PTPRD: variants seen among roughly 807,000 people sequenced by gnomAD.
PTPRD encodes the protein protein tyrosine phosphatase receptor type D, also known as receptor-type tyrosine-protein phosphatase delta.
In PTPRD, 34 loss-of-function variants were observed where a neutral mutation model predicts 214.5. That is an observed-to-expected ratio of 0.16 (90% CI 0.12 to 0.21). The LOEUF is 0.21. Among genes scored for constraint, PTPRD ranks in the 10% least tolerant of loss-of-function variants. The pLI, the probability that PTPRD is intolerant of heterozygous loss-of-function variation, is 1.00. For synonymous variants in PTPRD, 1,128 were observed against 845.7 expected (o/e 1.33, Z -5.79); for missense variants, 2,545 against 2,398.7 (o/e 1.06, Z -1.27).
chr9:8,590,052 C>A (rs538288385), intron 14 of PTPRD, among the ~76,000 whole-genome samples: 7 of 151,914 alleles, frequency 4.6e-5, no homozygotes, highest in Admixed American at 1.3e-4. Flanking sequence ...CACGAGGTTC[C>A]AAGGATTATG....
intron 2 of PTPRD, among the ~76,000 whole-genome samples, chr9:10,379,940 T>C (rs567508983): frequency 5.9e-5 from 9 of 152,098 alleles, no homozygotes; most frequent in Admixed American, 3.3e-4. Flanking sequence ...AGACTATTCA[T>C]TGTTGTTTAT....
At chr9:10,114,425 T>C (rs1162918587) in intron 3 of PTPRD, among the ~76,000 whole-genome samples, 4 of 152,148 alleles carry the variant, frequency 2.6e-5, no homozygotes, top group African/African-American at 9.6e-5. Context: ...CTCTGTCCGC[T>C]TACTAGCTAG....
intron 12 of PTPRD, among the ~76,000 whole-genome samples, chr9:8,637,618 C>T (rs1291135503): frequency 6.6e-6 from 1 of 152,182 alleles, no homozygotes; most frequent in East Asian, 1.9e-4. Context: ...AAAAAACTTA[C>T]TTATTTTTCA....
intron 8 of PTPRD, among the ~76,000 whole-genome samples, chr9:9,410,634 T>C (rs996889223): frequency 1.1e-4 from 17 of 152,190 alleles, no homozygotes; most frequent in Non-Finnish European, 5.9e-5. Context: ...AAAGAGGCTT[T>C]GAAACAGGAA....
At chr9:9,886,850 G>T (rs1422846309) in intron 5 of PTPRD, among the ~76,000 whole-genome samples, 1 of 152,044 alleles carries the variant, frequency 6.6e-6, no homozygotes, top group East Asian at 1.9e-4. Flanking sequence ...CACGTGGAGA[G>T]ACCACATGGG....
chr9:10,363,757 C>A (rs1357389400), intron 2 of PTPRD, among the ~76,000 whole-genome samples: 2 of 151,828 alleles, frequency 1.3e-5, no homozygotes, highest in Non-Finnish European at 2.9e-5. Context: ...TAAAATGTGA[C>A]CCCTTATGGG....
At chr9:8,475,910 T>A (rs964953376) in intron 30 of PTPRD, among the ~76,000 whole-genome samples, 1 of 152,182 alleles carries the variant, frequency 6.6e-6, no homozygotes, top group Non-Finnish European at 1.5e-5. Flanking sequence ...TCTAGTGCAG[T>A]CTCTGAAATT....
chr9:10,551,718 A>G (rs959129847), intron 2 of PTPRD, among the ~76,000 whole-genome samples: 29 of 152,182 alleles, frequency 1.9e-4, no homozygotes, highest in African/African-American at 6.5e-4. Context: ...GCATTTTGCT[A>G]CAGTACCTTG....
chr9:9,538,218 C>T (rs2076898775), intron 8 of PTPRD, among the ~76,000 whole-genome samples: 1 of 151,736 alleles, frequency 6.6e-6, no homozygotes. Context: ...AAAGAATAGA[C>T]TTTCTTACTT....
rs192927831 is a variant in PTPRD at position 9,369,951 on chromosome 9, T to C, written c.-203+27498A>G. Among the ~76,000 whole-genome samples, 106 of 152,278 alleles carry C rather than the reference T, an allele frequency of 7.0e-4. 1 individual carries two copies. Among genetic ancestry groups the C allele is most frequent in the African/African-American group, 2.3e-3 (96 of 41,554 alleles). On this transcript the variant is annotated intron_variant, in intron 9 of 45. Coordinates refer to ENST00000381196, the MANE Select transcript of PTPRD (RefSeq NM_002839.4). Reference sequence around the variant, plus strand: ...CGCGGCATTATTTCTGAGGGCTCTGTTCTGTTCCATTGATCTATATCTCTG... The same window carrying C: ...CGCGGCATTATTTCTGAGGGCTCTGCTCTGTTCCATTGATCTATATCTCTG...
chr9:10,104,086 A>C (rs2098599473), intron 3 of PTPRD, among the ~76,000 whole-genome samples: 1 of 151,790 alleles, frequency 6.6e-6, no homozygotes, highest in African/African-American at 2.4e-5. Context: ...ATACTGTTCG[A>C]TTCCACTTAT....
intron 5 of PTPRD, among the ~76,000 whole-genome samples, chr9:9,793,497 C>T (rs1023945356): frequency 4.6e-5 from 7 of 152,072 alleles, no homozygotes; most frequent in Middle Eastern, 6.8e-3. Flanking sequence ...GATGGATGGA[C>T]GGACAGATAG....
chr9:10,435,932 G>T (rs775354380), intron 2 of PTPRD, among the ~76,000 whole-genome samples: 2 of 151,742 alleles, frequency 1.3e-5, no homozygotes, highest in Non-Finnish European at 2.9e-5. Context: ...ACCTTTAAAA[G>T]TACCTATTTT....
chr9:10,086,255 C>T (rs754289639), intron 3 of PTPRD, among the ~76,000 whole-genome samples: 42 of 151,666 alleles, frequency 2.8e-4, no homozygotes, highest in Non-Finnish European at 5.0e-4. Flanking sequence ...AGATGTGATC[C>T]TCCATAAAAA....
At chr9:9,903,273 T>C (rs2076816314) in intron 5 of PTPRD, among the ~76,000 whole-genome samples, 2 of 152,126 alleles carry the variant, frequency 1.3e-5, no homozygotes, top group South Asian at 2.1e-4. Flanking sequence ...TTTTCTAATA[T>C]TGTATGTGAT....
intron 14 of PTPRD, among the ~76,000 whole-genome samples, chr9:8,591,736 T>C (rs1178422433): frequency 6.6e-6 from 1 of 152,098 alleles, no homozygotes; most frequent in Non-Finnish European, 1.5e-5. Flanking sequence ...CAAACCAAAC[T>C]AGAAATAGCA....
chr9:9,942,739 A>C (rs2153972206), intron 4 of PTPRD, among the ~76,000 whole-genome samples: 1 of 152,258 alleles, frequency 6.6e-6, no homozygotes, highest in African/African-American at 2.4e-5. Context: ...TGTTTTCATA[A>C]TATTTAAAGA....
At chr9:8,506,854 G>A (rs555097186) in intron 22 of PTPRD, among the ~76,000 whole-genome samples, 3 of 152,102 alleles carry the variant, frequency 2.0e-5, no homozygotes, top group Non-Finnish European at 4.4e-5. Flanking sequence ...TGCTATTGGG[G>A]AATCTTTGAA....
intron 4 of PTPRD, among the ~76,000 whole-genome samples, chr9:10,004,070 G>A (rs1204443111): frequency 1.3e-5 from 2 of 151,740 alleles, no homozygotes; most frequent in African/African-American, 4.8e-5. Context: ...GGGTATTTAT[G>A]GAGGAACTAA....
Sources: gnomAD v4.1 joint callset for allele counts (sites outside exome capture counted in the v4.1 genomes callset) on GRCh38, gnomAD v4.1.1 for gene constraint, MANE v1.5 for transcripts, NCBI Gene and HGNC (gene_info 2026-07-23, HGNC 2026-07-21) for gene names.